TRABD2B: variants seen among roughly 807,000 people sequenced by gnomAD.
TRABD2B encodes the protein TraB domain containing 2B.
A neutral mutation model predicts 40.1 loss-of-function variants in TRABD2B; 14 were observed. That is an observed-to-expected ratio of 0.35 (90% CI 0.23 to 0.55). The LOEUF (loss-of-function observed/expected upper bound fraction) is 0.55, where lower values mean the gene tolerates loss of function less well. TRABD2B is among the 20% of genes least tolerant of loss of function. TRABD2B has a pLI of 0.90. For synonymous variants in TRABD2B, 263 were observed against 277.0 expected (o/e 0.95, Z 0.50); for missense variants, 541 against 648.6 (o/e 0.83, Z 1.80).
chr1:47,876,134 G>A (rs932948249), intron 2 of TRABD2B, among the ~76,000 whole-genome samples: 1 of 152,192 alleles, frequency 6.6e-6, no homozygotes, highest in African/African-American at 2.4e-5. Flanking sequence ...GAAAAGAAGT[G>A]TCTGGAGTCA....
intron 2 of TRABD2B, among the ~76,000 whole-genome samples, chr1:47,938,812 C>G (rs1342801094): frequency 6.6e-6 from 1 of 152,128 alleles, no homozygotes; most frequent in African/African-American, 2.4e-5. Context: ...GGCTGAGAAC[C>G]AGAGGACTCA....
chr1:47,783,075 G>T (rs112506487), intron 4 of TRABD2B, among the ~76,000 whole-genome samples: 18 of 152,274 alleles, frequency 1.2e-4, no homozygotes, highest in Middle Eastern at 3.4e-3. Context: ...CAGACAAAGA[G>T]AGGGAGAGAG....
intron 2 of TRABD2B, among the ~76,000 whole-genome samples, chr1:47,984,637 G>T (rs139989803): frequency 6.6e-6 from 1 of 152,252 alleles, no homozygotes; most frequent in African/African-American, 2.4e-5. Context: ...CACAACTCGC[G>T]CCCCGTCCTC....
chr1:47,933,786 C>T (rs1645071053), intron 2 of TRABD2B, among the ~76,000 whole-genome samples: 1 of 152,142 alleles, frequency 6.6e-6, no homozygotes, highest in Non-Finnish European at 1.5e-5. Context: ...CCAAACTTTT[C>T]CCAGATAGCA....
intron 2 of TRABD2B, among the ~76,000 whole-genome samples, chr1:47,805,214 C>A (rs1644875129): frequency 6.6e-6 from 1 of 152,026 alleles, no homozygotes. Context: ...TCCAGATGTC[C>A]ACAGGCACAG....
At chr1:47,986,556 G>A (rs1026123920) in intron 2 of TRABD2B, among the ~76,000 whole-genome samples, 5 of 152,210 alleles carry the variant, frequency 3.3e-5, no homozygotes, top group African/African-American at 1.2e-4. Flanking sequence ...ATTCCACAGA[G>A]GGGAAAAATA....
In TRABD2B at chr1:47,823,222, C is replaced by T. The variant is rs117669443; in HGVS notation, c.667-21603G>A. Among the ~76,000 whole-genome samples, 21 of 152,350 alleles carry T rather than the reference C, an allele frequency of 1.4e-4. No homozygotes were observed. In the East Asian group the frequency reaches 2.9e-3, roughly 21 times the overall value. Reference sequence around the variant, plus strand: ...CATGTAGCTGCATGGGGGAGGCAGACGGCAGAAAGTCTGCCAAGCTGCTGC... The same window carrying T: ...CATGTAGCTGCATGGGGGAGGCAGATGGCAGAAAGTCTGCCAAGCTGCTGC... On this transcript the variant is annotated intron_variant, in intron 2 of 6. Transcript: ENST00000606738.
intron 2 of TRABD2B, among the ~76,000 whole-genome samples, chr1:47,895,186 C>G (rs1220554841): frequency 6.6e-6 from 1 of 152,180 alleles, no homozygotes; most frequent in East Asian, 1.9e-4. Context: ...GTTTCATAGC[C>G]TGAGCCTACA....
rs150105253 is a variant in TRABD2B at position 47,827,289 on chromosome 1, G to C, written c.667-25670C>G. Among the ~76,000 whole-genome samples, 88 of 152,358 alleles carry C rather than the reference G, an allele frequency of 5.8e-4. 2 individuals carry two copies. In the East Asian group the frequency reaches 0.016, roughly 28 times the overall value. On this transcript the variant is annotated intron_variant, in intron 2 of 6. Coordinates refer to ENST00000606738, the MANE Select transcript of TRABD2B (RefSeq NM_001194986.2). ...CATGAATGCATCAGGGAAATCTGCA[G>C]GCAGTGCCGAAGACACGCTTGATTT...
rs1325391155 is a variant in TRABD2B, at chr1:47,820,524, A to G, written c.667-18905T>C. On this transcript the variant is annotated intron_variant, in intron 2 of 6. Transcript: ENST00000606738. Reference sequence around the variant, plus strand: ...GGTGAGGTACCAGGAAAATGCGCCTAAAAGGAAGAAGTGGAAGCTCTCAGT... The same window carrying G: ...GGTGAGGTACCAGGAAAATGCGCCTGAAAGGAAGAAGTGGAAGCTCTCAGT... Among the ~76,000 whole-genome samples, 3 of 152,280 alleles carry G rather than the reference A, an allele frequency of 2.0e-5. No homozygotes were observed. The East Asian group carries it at 5.8e-4, about 29-fold the overall frequency.
At chr1:47,793,410 C>G (rs11799546) in intron 4 of TRABD2B, among the ~76,000 whole-genome samples, 1 of 152,234 alleles carries the variant, frequency 6.6e-6, no homozygotes, top group African/African-American at 2.4e-5. Context: ...GGGCGAGGCC[C>G]AGCAGATGTG....
chr1:47,805,256 AT>A (rs61141795), intron 2 of TRABD2B, among the ~76,000 whole-genome samples: 2,034 of 139,162 alleles, frequency 0.015, 17 homozygotes, highest in African/African-American at 0.033. Flanking sequence ...TGCCACACCC[AT>A]TTTTTTTTTT....
At chr1:47,785,953 C>T (rs781050246) in intron 4 of TRABD2B, among the ~76,000 whole-genome samples, 8 of 152,216 alleles carry the variant, frequency 5.3e-5, no homozygotes, top group Non-Finnish European at 1.2e-4. Context: ...TCAGAGGCCA[C>T]CAAGCACTTC....
At chr1:47,839,001 G>C (rs1477822145) in intron 2 of TRABD2B, among the ~76,000 whole-genome samples, 1 of 152,226 alleles carries the variant, frequency 6.6e-6, no homozygotes, top group Non-Finnish European at 1.5e-5. Context: ...TGGCGGGAGG[G>C]CACTGGGTTG....
chr1:47,820,966 C>T lies in TRABD2B; in HGVS notation c.667-19347G>A, dbSNP rs74869675. The stretch of plus-strand genomic sequence containing the variant: ...AAGTTCTGACCTCAAAGAGTTCTTT[C>T]CTTCCTCCTGGACGTTTGGACACCC... On this transcript the variant is annotated intron_variant, in intron 2 of 6. Transcript: ENST00000606738. Among the ~76,000 whole-genome samples the T allele has an allele frequency of 9.2e-5, 14 of 152,306 alleles. No homozygotes were observed. In the East Asian group the frequency reaches 1.9e-3, roughly 21 times the overall value.
chr1:47,886,013 T>G lies in TRABD2B; in HGVS notation c.667-84394A>C, dbSNP rs531768458. ...GGCATATGGCTGAAGAGAATCTTTATTTTGTAGCTATTGGATAAGAATATA... is the reference window on the plus strand; with the variant it reads ...GGCATATGGCTGAAGAGAATCTTTAGTTTGTAGCTATTGGATAAGAATATA... On this transcript the variant is annotated intron_variant, in intron 2 of 6. Transcript: ENST00000606738. Among the ~76,000 whole-genome samples, 4 of 152,294 alleles carry G rather than the reference T, an allele frequency of 2.6e-5. No homozygotes were observed. In the South Asian group the frequency reaches 6.2e-4, roughly 24 times the overall value.
At chr1:47,948,707 C>T (rs537286920) in intron 2 of TRABD2B, among the ~76,000 whole-genome samples, 4 of 152,240 alleles carry the variant, frequency 2.6e-5, no homozygotes, top group East Asian at 1.9e-4. Context: ...CTTCTAAGAC[C>T]GTCCCAAGTG....
chr1:47,798,545 C>A (rs1030424320), intron 3 of TRABD2B, among the ~76,000 whole-genome samples: 1 of 152,288 alleles, frequency 6.6e-6, no homozygotes, highest in South Asian at 2.1e-4. Flanking sequence ...GGATGAGGTG[C>A]CCCTGGCCCC....
At chr1:47,861,537 A>C (rs1312018649) in intron 2 of TRABD2B, among the ~76,000 whole-genome samples, 1 of 152,238 alleles carries the variant, frequency 6.6e-6, no homozygotes, top group Non-Finnish European at 1.5e-5. Context: ...ACTCCTTGAA[A>C]GACCCACAAT....
Sources: gnomAD v4.1 joint callset for allele counts (sites outside exome capture counted in the v4.1 genomes callset) on GRCh38, gnomAD v4.1.1 for gene constraint, MANE v1.5 for transcripts, NCBI Gene and HGNC (gene_info 2026-07-23, HGNC 2026-07-21) for gene names.